HTR1D: variants seen among roughly 807,000 people sequenced by gnomAD.
HTR1D encodes the protein 5-HT-1D.
Under a neutral mutation model 21.1 loss-of-function variants are expected in HTR1D, and 18 were observed. That is an observed-to-expected ratio of 0.85 (90% CI 0.59 to 1.27). The LOEUF is 1.27. Among genes scored for constraint, HTR1D ranks in the 50% most tolerant of loss-of-function variants. HTR1D has a pLI of 0.00. For synonymous variants in HTR1D, 196 were observed against 204.4 expected (o/e 0.96, Z 0.35); for missense variants, 456 against 481.4 (o/e 0.95, Z 0.49).
chr1:23,204,568 C>T (rs914699148), intron 1 of HTR1D, among the ~76,000 whole-genome samples: 3 of 152,196 alleles, frequency 2.0e-5, no homozygotes, highest in African/African-American at 7.2e-5. Context: ...CTTCTACTGC[C>T]CTGTGCCACC....
At chr1:23,204,352 C>T (rs1369082434) in intron 1 of HTR1D, among the ~76,000 whole-genome samples, 2 of 152,208 alleles carry the variant, frequency 1.3e-5, no homozygotes, top group African/African-American at 4.8e-5. Flanking sequence ...GTCTCGATCT[C>T]CTGACCTCGT....
Position 23,193,279 on chromosome 1 carries a change from C to T in HTR1D, c.941G>A (p.Trp314Ter), listed in dbSNP as rs1644667613. ...GIILGAFIIC[W>*]LPFFVVSLVL... ...CAGAGACACCACGAAGAAGGGCAGC[C>T]AGCAGATGATAAAGGCCCCCAGAAT... Residue 314 changes from tryptophan to a stop codon, truncating the protein, a stop_gained, in exon 2 of 2, where the codon TGG becomes TAG. Transcript: ENST00000374619. LOFTEE classifies it high-confidence loss of function. 1 of 1,614,174 alleles carries T rather than the reference C, an allele frequency of 6.2e-7. No homozygotes were observed. Among genetic ancestry groups the T allele is most frequent in the African/African-American group, 1.3e-5 (1 of 75,052 alleles).
At chr1:23,213,267 G>A (rs1644760921) in intron 1 of HTR1D, among the ~76,000 whole-genome samples, 1 of 151,892 alleles carries the variant, frequency 6.6e-6, no homozygotes, top group Non-Finnish European at 1.5e-5. Flanking sequence ...GGCGGATCAT[G>A]AGGTCAGATC....
In HTR1D at chr1:23,217,068, C is replaced by T. The variant is rs1644777120; in HGVS notation, c.-783+223G>A. The stretch of plus-strand genomic sequence containing the variant: ...CCCGCAGCCTCCCTGGGCGCTGCCT[C>T]AGTCCTCCCTTTTCTCCCGGGGCTC... On this transcript the variant is annotated intron_variant, in intron 1 of 1. Transcript: ENST00000374619. This position sits in a 1 kb window ranked among gnomAD's most constrained non-coding sequence, Gnocchi z 4.6. Among the ~76,000 whole-genome samples, 1 of 151,988 alleles carries T rather than the reference C, an allele frequency of 6.6e-6. No homozygotes were observed. The highest frequency in any genetic ancestry group is 2.4e-5 in the African/African-American group (1 of 41,434).
In HTR1D at chr1:23,217,411, C is replaced by CCCGCCCCG. The variant is rs1287300326; in HGVS notation, c.-911_-904dup. On this transcript the variant is annotated 5_prime_UTR_variant, in exon 1 of 2. Transcript: ENST00000374619. This position sits in a 1 kb window ranked among gnomAD's most constrained non-coding sequence, Gnocchi z 4.6. ...CGACCCCCGCCGAACTCGGGGGCCG[C>CCCGCCCCG]CCGCCCCGCCGCCCCGGGGCCCTTT... Among the ~76,000 whole-genome samples the CCCGCCCCG allele has an allele frequency of 6.6e-6, 1 of 151,802 alleles. No individual in the cohort carries two copies. The highest frequency in any genetic ancestry group is 2.4e-5 in the African/African-American group (1 of 41,360).
chr1:23,206,201 C>G (rs371128327), intron 1 of HTR1D, among the ~76,000 whole-genome samples: 1 of 152,034 alleles, frequency 6.6e-6, no homozygotes, highest in South Asian at 2.1e-4. Flanking sequence ...ACCACCATAC[C>G]CAGCTAATTT....
In HTR1D at chr1:23,217,372, C is replaced by G. The variant is rs1266892834; in HGVS notation, c.-864G>C. ...GCGCGGCGTCTCCCCGTCGCGGCCGCCTTGTCTCCGCCGCGACCCCCGCCG... is the reference window on the plus strand; with the variant it reads ...GCGCGGCGTCTCCCCGTCGCGGCCGGCTTGTCTCCGCCGCGACCCCCGCCG... On this transcript the variant is annotated 5_prime_UTR_variant, in exon 1 of 2. Transcript: ENST00000374619. The surrounding 1 kb of genome is among the most constrained non-coding windows in gnomAD (Gnocchi z 4.6). Among the ~76,000 whole-genome samples, 1 of 151,772 alleles carries G rather than the reference C, an allele frequency of 6.6e-6. No homozygotes were observed. The highest frequency in any genetic ancestry group is 6.6e-5 in the Admixed American group (1 of 15,252).
chr1:23,193,794 A>G lies in HTR1D; in HGVS notation c.426T>C (p.Asp142=), dbSNP rs762077359. Residue 142 remains aspartate, a synonymous_variant, in exon 2 of 2, where the codon GAT becomes GAC. Coordinates refer to ENST00000374619, the MANE Select transcript of HTR1D (RefSeq NM_000864.5). Reference sequence around the variant, plus strand: ...TCCTGCGTTTACTGTATTCCAGGGCATCTGTGATTGCCCAGTACCTGTCCA... The same window carrying G: ...TCCTGCGTTTACTGTATTCCAGGGCGTCTGTGATTGCCCAGTACCTGTCCA... ...IALDRYWAIT[D]ALEYSKRRTA... is the part of the protein sequence containing the mutation. The G allele has an allele frequency of 6.2e-7, 1 of 1,614,030 alleles. No homozygotes were observed. The highest frequency in any genetic ancestry group is 8.5e-7 in the Non-Finnish European group (1 of 1,180,006).
chr1:23,206,143 G>A (rs568280153), intron 1 of HTR1D, among the ~76,000 whole-genome samples: 10 of 151,906 alleles, frequency 6.6e-5, no homozygotes, highest in Non-Finnish European at 1.3e-4. Flanking sequence ...CTGGGTTCAC[G>A]CCATTCTCCT....
chr1:23,202,515 A>T (rs1453932493), intron 1 of HTR1D, among the ~76,000 whole-genome samples: 2 of 152,212 alleles, frequency 1.3e-5, no homozygotes, highest in African/African-American at 4.8e-5. Flanking sequence ...TAACTAAGTG[A>T]GTCATAAAAC....
chr1:23,202,073 TTTGTTG>T (rs371581659), intron 1 of HTR1D, among the ~76,000 whole-genome samples: 5 of 151,866 alleles, frequency 3.3e-5, no homozygotes, highest in Admixed American at 6.6e-5. Flanking sequence ...TTCGTGGTTT[TTTGTTG>T]TTGTTGTTGT....
intron 1 of HTR1D, among the ~76,000 whole-genome samples, chr1:23,204,604 A>AT (rs112611637): frequency 1.3e-5 from 2 of 151,954 alleles, no homozygotes. Flanking sequence ...CAAAAGGAGT[A>AT]TTTTTTTTGT....
chr1:23,207,235 T>TA (rs202032350), intron 1 of HTR1D, among the ~76,000 whole-genome samples: 92 of 150,758 alleles, frequency 6.1e-4, no homozygotes, highest in Admixed American at 2.4e-3. Flanking sequence ...CCGTCTCTAC[T>TA]AAAAAAAAAT....
chr1:23,213,976 G>A (rs6669568), intron 1 of HTR1D, among the ~76,000 whole-genome samples: 77,057 of 152,034 alleles, frequency 0.51, 20,290 homozygotes, highest in Non-Finnish European at 0.59. Flanking sequence ...GTTTGTTTGT[G>A]TCTCTCATTG....
In HTR1D at chr1:23,193,701, C is replaced by T. The variant is rs746476408; in HGVS notation, c.519G>A (p.Pro173=). 1.4e-5 allele frequency: 22 copies of T among 1,613,836 alleles called. No individual in the cohort carries two copies. Among genetic ancestry groups the T allele is most frequent in the East Asian group, 4.5e-5 (2 of 44,870 alleles). The change falls in exon 2 of 2, where the codon CCG becomes CCA. Residue 173 remains proline (P), a synonymous_variant. Transcript: ENST00000374619. ...GGGCCTTGGCCTGCCGCCAGAAGAGCGGGGGGATGGAGATGCAGATGGAGA... is the reference window on the plus strand; with the variant it reads ...GGGCCTTGGCCTGCCGCCAGAAGAGTGGGGGGATGGAGATGCAGATGGAGA... ...WAISICISIP[P]LFWRQAKAQE...
chr1:23,200,287 C>A (rs1411852072), intron 1 of HTR1D, among the ~76,000 whole-genome samples: 1 of 152,142 alleles, frequency 6.6e-6, no homozygotes, highest in African/African-American at 2.4e-5. Flanking sequence ...GTGTTGTAAA[C>A]AGTGGAGTCC....
chr1:23,213,479 A>AAAAACAAAACAAAACAAAAC lies in HTR1D; in HGVS notation c.-783+3811_-783+3812insGTTTTGTTTTGTTTTGTTTT, dbSNP rs71575746. On this transcript the variant is annotated intron_variant, in intron 1 of 1. Transcript: ENST00000374619. The stretch of plus-strand genomic sequence containing the variant: ...TGGGCGACAGAGACAGACTCCGTCT[A>AAAAACAAAACAAAACAAAAC]AAAACAAAACAAAACAAAAACAATA... Among the ~76,000 whole-genome samples, 879 of 151,036 alleles carry AAAAACAAAACAAAACAAAAC rather than the reference A, an allele frequency of 5.8e-3. 5 individuals are homozygous for AAAAACAAAACAAAACAAAAC. Among genetic ancestry groups the AAAAACAAAACAAAACAAAAC allele is most frequent in the Middle Eastern group, 0.01 (3 of 294 alleles).
chr1:23,197,517 G>A (rs961732091), intron 1 of HTR1D, among the ~76,000 whole-genome samples: 3 of 151,978 alleles, frequency 2.0e-5, no homozygotes, highest in Non-Finnish European at 4.4e-5. Context: ...GATCACCTGA[G>A]GTCAGGAGGT....
At chr1:23,197,502 G>A (rs907400890) in intron 1 of HTR1D, among the ~76,000 whole-genome samples, 2 of 151,890 alleles carry the variant, frequency 1.3e-5, no homozygotes, top group East Asian at 1.9e-4. Flanking sequence ...AGGCTGAGGC[G>A]TGTGGATCAC....
Sources: gnomAD v4.1 joint callset for allele counts (sites outside exome capture counted in the v4.1 genomes callset) on GRCh38, gnomAD v4.1.1 for gene constraint, Gnocchi (gnomAD v3.1) non-coding constraint, MANE v1.5 for transcripts, NCBI Gene and HGNC (gene_info 2026-07-23, HGNC 2026-07-21) for gene names.